The following TTC28 variants were observed in gnomAD, a reference collection of about 807,000 sequenced individuals.
The protein encoded by TTC28 is tetratricopeptide repeat protein 28.
A neutral mutation model predicts 198.0 loss-of-function variants in TTC28; 61 were observed. The observed-to-expected ratio is 0.31, with a 90% confidence interval of 0.25 to 0.38. The LOEUF is 0.38. TTC28 is among the 10% of genes least tolerant of loss of function. The pLI is 1.00. For missense variants in TTC28, 2,678 were observed against 3,164.0 expected, an observed-to-expected ratio of 0.85 and a Z score of 3.69; for synonymous variants, 1,171 against 1,297.8, an observed-to-expected ratio of 0.90 and a Z score of 2.10.
chr22:28,034,264 G>A (rs1939244136), intron 12 of TTC28, among the ~76,000 whole-genome samples: 1 of 152,202 alleles, frequency 6.6e-6, no homozygotes, highest in African/African-American at 2.4e-5. Context: ...GGCAAGGCAG[G>A]AAGAGTGGAA....
intron 2 of TTC28, among the ~76,000 whole-genome samples, chr22:28,312,055 G>A (rs891243748): frequency 6.6e-6 from 1 of 150,880 alleles, no homozygotes; most frequent in South Asian, 2.1e-4. Flanking sequence ...AAAAGCAAAG[G>A]TTGCAATCCT....
chr22:28,142,790 A>C (rs905097863), intron 6 of TTC28, among the ~76,000 whole-genome samples: 58 of 152,308 alleles, frequency 3.8e-4, no homozygotes, highest in Non-Finnish European at 7.9e-4. Flanking sequence ...CAATCGGAAA[A>C]CCATCAGGCA....
chr22:28,420,580 A>AC (rs1222806618), intron 2 of TTC28, among the ~76,000 whole-genome samples: 82 of 152,020 alleles, frequency 5.4e-4, no homozygotes, highest in African/African-American at 2.0e-3. Flanking sequence ...AAAAAAAAAA[A>AC]AAAGGTGTTT....
chr22:28,528,832 AAC>A (rs2145889968), intron 2 of TTC28, among the ~76,000 whole-genome samples: 1 of 152,316 alleles, frequency 6.6e-6, no homozygotes, highest in African/African-American at 2.4e-5. Flanking sequence ...ATTCCTGGAA[AAC>A]ACAAAGAAAT....
chr22:28,438,649 T>C (rs1047566468), intron 2 of TTC28, among the ~76,000 whole-genome samples: 1 of 152,204 alleles, frequency 6.6e-6, no homozygotes, highest in East Asian at 1.9e-4. Flanking sequence ...TTACACAGTG[T>C]TATCTGATAC....
chr22:28,305,110 C>A (rs879697714), intron 3 of TTC28, among the ~76,000 whole-genome samples: 9 of 152,232 alleles, frequency 5.9e-5, no homozygotes, highest in Non-Finnish European at 8.8e-5. Flanking sequence ...CCTGCCCCAG[C>A]CTCCTGAGTG....
chr22:28,185,392 A>G (rs941078457), intron 5 of TTC28, among the ~76,000 whole-genome samples: 10 of 152,180 alleles, frequency 6.6e-5, no homozygotes, highest in Admixed American at 3.3e-4. Context: ...AGCTGCTATT[A>G]TGTTTGTTAT....
intron 5 of TTC28, among the ~76,000 whole-genome samples, chr22:28,170,595 A>G (rs943451142): frequency 1.3e-5 from 2 of 152,226 alleles, no homozygotes; most frequent in Non-Finnish European, 2.9e-5. Context: ...CACTCCTGGG[A>G]ATATCTCTCT....
At chr22:28,348,920 C>T (rs2045949067) in intron 2 of TTC28, among the ~76,000 whole-genome samples, 1 of 152,188 alleles carries the variant, frequency 6.6e-6, no homozygotes, top group Non-Finnish European at 1.5e-5. Flanking sequence ...CTTCCTAGCT[C>T]AAGCTAAAGT....
intron 2 of TTC28, among the ~76,000 whole-genome samples, chr22:28,408,133 C>T (rs947320050): frequency 1.4e-4 from 21 of 151,802 alleles, no homozygotes; most frequent in Non-Finnish European, 2.9e-5. Context: ...ACTAGGAAGC[C>T]GACTTCCTAA....
At chr22:28,144,756 G>A (rs1943425252) in intron 6 of TTC28, among the ~76,000 whole-genome samples, 1 of 152,244 alleles carries the variant, frequency 6.6e-6, no homozygotes, top group Non-Finnish European at 1.5e-5. Flanking sequence ...GGAGCCCGTA[G>A]CATAGCCTCT....
At chr22:28,611,042 G>C (rs531406305) in intron 2 of TTC28, among the ~76,000 whole-genome samples, 41 of 152,066 alleles carry the variant, frequency 2.7e-4, no homozygotes, top group African/African-American at 8.9e-4. Flanking sequence ...GAAAAGGAAC[G>C]AACAAAGCCT....
chr22:28,364,285 C>G (rs1000888988), intron 2 of TTC28, among the ~76,000 whole-genome samples: 1 of 152,140 alleles, frequency 6.6e-6, no homozygotes, highest in Non-Finnish European at 1.5e-5. Context: ...TTGCCTGCTG[C>G]CATCCATGTA....
intron 5 of TTC28, among the ~76,000 whole-genome samples, chr22:28,225,121 C>T (rs554055537): frequency 4.6e-5 from 7 of 150,556 alleles, no homozygotes; most frequent in Non-Finnish European, 1.0e-4. Flanking sequence ...ACCTGTAATC[C>T]CAGCACTTTG....
rs1402025966 is a variant in TTC28 at position 27,982,044 on chromosome 22, C to T, written c.*177G>A. The T allele has an allele frequency of 6.8e-6, 4 of 587,684 alleles. No individual in the cohort carries two copies. The highest frequency in any genetic ancestry group is 6.2e-5 in the East Asian group (2 of 32,164). The allele number at this position is 587,684 out of a possible 1,614,324, so 36.4% of individuals were successfully genotyped here. On this transcript the variant is annotated 3_prime_UTR_variant, in exon 23 of 23. Coordinates refer to ENST00000397906, the MANE Select transcript of TTC28 (RefSeq NM_001145418.2). This position sits in a 1 kb window ranked among gnomAD's most constrained non-coding sequence, Gnocchi z 5.2. ...AGTCCTGGCTTTTGGTGAATGTGGCCCAGAAAAGCCACCAGTGTGTGTGGC... is the reference window on the plus strand; with the variant it reads ...AGTCCTGGCTTTTGGTGAATGTGGCTCAGAAAAGCCACCAGTGTGTGTGGC...
intron 2 of TTC28, among the ~76,000 whole-genome samples, chr22:28,616,240 T>C (rs925437377): frequency 5.3e-5 from 8 of 152,182 alleles, no homozygotes; most frequent in Admixed American, 3.3e-4. Flanking sequence ...CTAGATGTCC[T>C]AGACAAGTAT....
chr22:28,412,532 A>G (rs984059511), intron 2 of TTC28, among the ~76,000 whole-genome samples: 6 of 152,124 alleles, frequency 3.9e-5, no homozygotes, highest in African/African-American at 1.2e-4. Flanking sequence ...ATGACTTCCA[A>G]TCAAATGTAT....
intron 5 of TTC28, among the ~76,000 whole-genome samples, chr22:28,211,537 G>A (rs1043739739): frequency 6.6e-6 from 1 of 152,076 alleles, no homozygotes; most frequent in Admixed American, 6.6e-5. Flanking sequence ...GACAAAGAAG[G>A]CCATTACATA....
chr22:28,557,290 T>C (rs2049801584), intron 2 of TTC28, among the ~76,000 whole-genome samples: 1 of 152,240 alleles, frequency 6.6e-6, no homozygotes, highest in South Asian at 2.1e-4. Context: ...TCTGGGATTC[T>C]GACTAGAGAC....
Sources: gnomAD v4.1 joint callset for allele counts (sites outside exome capture counted in the v4.1 genomes callset) on GRCh38, gnomAD v4.1.1 for gene constraint, Gnocchi (gnomAD v3.1) non-coding constraint, MANE v1.5 for transcripts, NCBI Gene and HGNC (gene_info 2026-07-23, HGNC 2026-07-21) for gene names.